The following GCNT3 variants were observed in gnomAD, a reference collection of about 807,000 sequenced individuals.
GCNT3 encodes beta-1,3-galactosyl-O-glycosyl-glycoprotein beta-1,6-N-acetylglucosaminyltransferase 3.
For missense variants in GCNT3, 708 were observed against 530.3 expected (o/e 1.34, Z -3.29); for synonymous variants, 269 against 195.2 (o/e 1.38, Z -3.15).
In GCNT3 at chr15:59,621,691, G is replaced by C. The variant is rs1204096719; in HGVS notation, c.*2136G>C. ...GCTCATTACAACCTCCGCCTCCTGGGTCCAAGCGATTCTCCTGCCTCAGCC... is the reference window on the plus strand; with the variant it reads ...GCTCATTACAACCTCCGCCTCCTGGCTCCAAGCGATTCTCCTGCCTCAGCC... On this transcript the variant is annotated 3_prime_UTR_variant, in exon 3 of 3. Coordinates refer to ENST00000396065, the MANE Select transcript of GCNT3 (RefSeq NM_004751.3). The C allele has an allele frequency of 7.2e-6, 1 of 138,768 alleles. No individual in the cohort carries two copies. Among genetic ancestry groups the C allele is most frequent in the African/African-American group, 2.7e-5 (1 of 37,204 alleles). 8.6% of individuals were successfully genotyped at this position (138,768 alleles called of 1,614,324 possible).
rs137968077 is a variant in GCNT3 at position 59,618,982 on chromosome 15, G to C, written c.744G>C (p.Gly248=). ...TCCAGGCTCTCAAGATGTTGAATGG[G>C]AGGAATAGCATGGAGTCAGAGGTAC... ...EMVQALKMLN[G]RNSMESEVPP... Residue 248 remains glycine (G), a synonymous_variant, in exon 3 of 3, where the codon GGG becomes GGC. Transcript: ENST00000396065. 1.2e-6 allele frequency: 2 copies of C among 1,613,960 alleles called. No homozygotes were observed. Among genetic ancestry groups the C allele is most frequent in the Non-Finnish European group, 1.7e-6 (2 of 1,179,992 alleles).
chr15:59,615,381 G>A (rs1266172554), intron 1 of GCNT3, among the ~76,000 whole-genome samples: 1 of 152,118 alleles, frequency 6.6e-6, no homozygotes, highest in Non-Finnish European at 1.5e-5. Context: ...CATTTGTTGA[G>A]TGGTCACCAC....
At position 59,618,227 on chromosome 15, in the gene GCNT3, C is replaced by T. The variant is rs775777133; in HGVS notation, c.-12C>T. ...CTGTGCTCGGTCTCCACCTGTCTCC[C>T]ATTCTGTGACGATGGTTCAATGGAA... On this transcript the variant is annotated 5_prime_UTR_variant, in exon 3 of 3. Coordinates refer to ENST00000396065, the MANE Select transcript of GCNT3 (RefSeq NM_004751.3). The T allele has an allele frequency of 1.3e-6, 2 of 1,482,880 alleles. No individual in the cohort carries two copies. Among genetic ancestry groups the T allele is most frequent in the Admixed American group, 1.9e-5 (1 of 51,466 alleles). 91.9% of individuals were successfully genotyped at this position (1,482,880 alleles called of 1,614,324 possible).
At chr15:59,616,067 C>T (rs2082718337) in intron 1 of GCNT3, among the ~76,000 whole-genome samples, 1 of 152,142 alleles carries the variant, frequency 6.6e-6, no homozygotes, top group African/African-American at 2.4e-5. Context: ...TCCAACAGCC[C>T]ATAGTGTAAT....
In GCNT3 at chr15:59,618,654, T is replaced by C. The variant is rs771239323; in HGVS notation, c.416T>C (p.Ile139Thr). ...TTCCCTATTGCATACTCTATGGTGA[T>C]TCATGAGAAGATTGAAAACTTTGAA... ...VEFPIAYSMV[I>T]HEKIENFERL... Residue 139 changes from isoleucine to threonine, a missense_variant, in exon 3 of 3, where the codon ATT (isoleucine) becomes ACT (threonine). Physicochemically the swap from Ile to Thr is moderately conservative, Grantham distance 89. Transcript: ENST00000396065. 3.6e-5 allele frequency: 58 copies of C among 1,614,056 alleles called. No individual in the cohort carries two copies. The highest frequency in any genetic ancestry group is 4.6e-5 in the Non-Finnish European group (54 of 1,180,034).
Position 59,619,657 on chromosome 15 carries a change from C to A in GCNT3, c.*102C>A. 1 of 751,370 alleles carries A rather than the reference C, an allele frequency of 1.3e-6. No homozygotes were observed. Among genetic ancestry groups the A allele is most frequent in the Non-Finnish European group, 2.3e-6 (1 of 435,920 alleles). The allele number at this position is 751,370 out of a possible 1,614,324, so 46.5% of individuals were successfully genotyped here. ...GGTGGGAGACCAGGGCTTTGCAATT[C>A]GTGGCATCCTTTAGGATAAGAGGGC... On this transcript the variant is annotated 3_prime_UTR_variant, in exon 3 of 3. Transcript: ENST00000396065.
At chr15:59,614,888 G>C (rs1228026936) in intron 1 of GCNT3, among the ~76,000 whole-genome samples, 2 of 152,130 alleles carry the variant, frequency 1.3e-5, no homozygotes, top group African/African-American at 4.8e-5. Flanking sequence ...TCTTGTCTTT[G>C]CTGTGGCTTC....
Position 59,618,877 on chromosome 15 carries a change from G to C in GCNT3, c.639G>C (p.Leu213Phe). 1 of 1,614,164 alleles carries C rather than the reference G, an allele frequency of 6.2e-7. No homozygotes were observed. Among genetic ancestry groups the C allele is most frequent in the Non-Finnish European group, 8.5e-7 (1 of 1,180,028 alleles). Reference sequence around the variant, plus strand: ...CTGACCTCAACTGCATGGAAGACTTGCTCCAGAGCTCAGTGCCGTGGAAAT... The same window carrying C: ...CTGACCTCAACTGCATGGAAGACTTCCTCCAGAGCTCAGTGCCGTGGAAAT... ...VQADLNCMED[L>F]LQSSVPWKYF... Residue 213 changes from leucine (L) to phenylalanine (F), a missense_variant, in exon 3 of 3, where the codon TTG becomes TTC. Coordinates refer to ENST00000396065, the MANE Select transcript of GCNT3 (RefSeq NM_004751.3).
At position 59,619,831 on chromosome 15, in the gene GCNT3, A is replaced by G. The variant is rs765959904; in HGVS notation, c.*276A>G. The G allele has an allele frequency of 3.2e-6, 1 of 316,570 alleles. No individual in the cohort carries two copies. The highest frequency in any genetic ancestry group is 6.2e-6 in the Non-Finnish European group (1 of 160,802). The allele number at this position is 316,570 out of a possible 1,614,324, so 19.6% of individuals were successfully genotyped here. A position where few individuals can be genotyped will look rare whatever the true frequency, so the allele number is the denominator to read the frequency against. ...AGAACTGCTGTGATAGGGAGAGTGA[A>G]GGAGGGATATGTGGTAGAGCACTTG... On this transcript the variant is annotated 3_prime_UTR_variant, in exon 3 of 3. Transcript: ENST00000396065.
chr15:59,616,606 A>G (rs192002357), intron 1 of GCNT3, 86 bp from the exon 2 acceptor site: 2 of 152,336 alleles, frequency 1.3e-5, no homozygotes, highest in Admixed American at 6.5e-5. Context: ...ATGTTTCTGC[A>G]TGATTTCTCT....
chr15:59,618,667 T>A lies in GCNT3; in HGVS notation c.429T>A (p.Ile143=). 1 of 1,614,134 alleles carries A rather than the reference T, an allele frequency of 6.2e-7. No individual in the cohort carries two copies. Among genetic ancestry groups the A allele is most frequent in the Non-Finnish European group, 8.5e-7 (1 of 1,180,010 alleles). Reference sequence around the variant, plus strand: ...ACTCTATGGTGATTCATGAGAAGATTGAAAACTTTGAAAGGCTACTGCGAG... The same window carrying A: ...ACTCTATGGTGATTCATGAGAAGATAGAAAACTTTGAAAGGCTACTGCGAG... ...IAYSMVIHEK[I]ENFERLLRAV... is the part of the protein sequence containing the mutation. The change falls in exon 3 of 3, where the codon ATT becomes ATA. Residue 143 remains isoleucine (I), a synonymous_variant. Transcript: ENST00000396065.
At position 59,619,503 on chromosome 15, in the gene GCNT3, A is replaced by C. The variant is rs773851607; in HGVS notation, c.1265A>C (p.Gln422Pro). The C allele has an allele frequency of 9.9e-6, 16 of 1,612,610 alleles. No homozygotes were observed. The South Asian group carries it at 1.5e-4, about 16-fold the overall frequency. The change falls in exon 3 of 3, where the codon CAG becomes CCG. Residue 422 changes from glutamine (Q) to proline (P), a missense_variant. Coordinates refer to ENST00000396065, the MANE Select transcript of GCNT3 (RefSeq NM_004751.3). ...CCAAAGGTAGATGATAATGCTCTTC[A>C]GTGCTTAGAAGAATACCTACGTTAT... Reference protein sequence around the residue: ...FDPKVDDNALQCLEEYLRYKA... With the variant: ...FDPKVDDNALPCLEEYLRYKA...
intron 2 of GCNT3, chr15:59,617,955 C>G (rs2082727261): frequency 3.8e-6 from 1 of 259,818 alleles, no homozygotes; most frequent in Non-Finnish European, 7.3e-6. Flanking sequence ...TCCTTTTCTC[C>G]TGGGGTGGAG....
At chr15:59,617,154 A>C (rs199777310) in intron 2 of GCNT3, among the ~76,000 whole-genome samples, 1 of 43,208 alleles carries the variant, frequency 2.3e-5, no homozygotes, top group South Asian at 6.9e-4. Context: ...TTTTTTCTTT[A>C]TTTTTCTTTT....
chr15:59,611,967 T>A lies in GCNT3; in HGVS notation c.-265T>A, dbSNP rs2082698252. On this transcript the variant is annotated 5_prime_UTR_variant, in exon 1 of 3. An upstream open reading frame in the 5' UTR loses its in-frame stop. Coordinates refer to ENST00000396065, the MANE Select transcript of GCNT3 (RefSeq NM_004751.3). The stretch of plus-strand genomic sequence containing the variant: ...CTTCCTGTCAATGAGAAGACCAAGC[T>A]GACGCCTGGCAAAGGTAAATGCCAC... 6.6e-6 allele frequency: 1 copy of A among 152,236 alleles called. No homozygotes were observed. The allele number at this position is 152,236 out of a possible 1,614,324, so 9.4% of individuals were successfully genotyped here. A position where few individuals can be genotyped will look rare whatever the true frequency, so the allele number is the denominator to read the frequency against.
At chr15:59,617,292 G>T (rs907613104) in intron 2 of GCNT3, among the ~76,000 whole-genome samples, 17 of 151,078 alleles carry the variant, frequency 1.1e-4, no homozygotes, top group African/African-American at 4.1e-4. Context: ...TTCAAAGGTA[G>T]CTGTGGTTTG....
chr15:59,617,581 G>A (rs1431581732), intron 2 of GCNT3, among the ~76,000 whole-genome samples: 1 of 152,140 alleles, frequency 6.6e-6, no homozygotes, highest in Non-Finnish European at 1.5e-5. Context: ...TGGATACTCT[G>A]AATGATTTCA....
intron 1 of GCNT3, among the ~76,000 whole-genome samples, chr15:59,612,395 T>TTA (rs780692289): frequency 1.3e-5 from 2 of 152,202 alleles, no homozygotes; most frequent in South Asian, 2.1e-4. Context: ...TGGGTTGGAC[T>TTA]TACTTATATT....
rs146888471 is a variant in GCNT3, at chr15:59,618,784, C to G, written c.546C>G (p.Cys182Trp). The change falls in exon 3 of 3, where the codon TGC (cysteine) becomes TGG (tryptophan). Residue 182 changes from cysteine to tryptophan, a missense_variant. Physicochemically the swap from Cys to Trp is radical, Grantham distance 215. Transcript: ENST00000396065. The part of the protein sequence containing the change: ...FKEAVKAIIS[C>W]FPNVFIASKL... The stretch of plus-strand genomic sequence containing the variant: ...AGGCGGTCAAAGCAATTATTTCTTG[C>G]TTCCCAAATGTCTTCATAGCCAGTA... 1 of 1,614,216 alleles carries G rather than the reference C, an allele frequency of 6.2e-7. No homozygotes were observed. Among genetic ancestry groups the G allele is most frequent in the Non-Finnish European group, 8.5e-7 (1 of 1,180,042 alleles).
Sources: gnomAD v4.1 joint callset for allele counts (sites outside exome capture counted in the v4.1 genomes callset) on GRCh38, gnomAD v4.1.1 for gene constraint, MANE v1.5 for transcripts, NCBI Gene and HGNC (gene_info 2026-07-23, HGNC 2026-07-21) for gene names.